COL11A1: variants seen among roughly 807,000 people sequenced by gnomAD.
The protein encoded by COL11A1 is collagen type XI alpha 1 chain.
Under a neutral mutation model 265.2 loss-of-function variants are expected in COL11A1, and 74 were observed. That is an observed-to-expected ratio of 0.28 (90% confidence interval 0.23 to 0.34). COL11A1 has a LOEUF of 0.34. COL11A1 is among the 10% of genes least tolerant of loss of function. COL11A1 has a pLI of 1.00. For missense variants in COL11A1, 2,165 were observed against 2,263.6 expected (o/e 0.96, Z 0.88); for synonymous variants, 816 against 727.6 (o/e 1.12, Z -1.96).
intron 57 of COL11A1, 143 bp from the exon 58 acceptor site, chr1:102,890,647 G>C (rs1017226636): frequency 9.2e-5 from 54 of 584,834 alleles, no homozygotes; most frequent in South Asian, 5.4e-4. Context: ...TATTTTTAAG[G>C]CTTCTAAGTA....
chr1:102,963,770 T>G (rs1352193693), intron 38 of COL11A1, among the ~76,000 whole-genome samples: 2 of 152,174 alleles, frequency 1.3e-5, no homozygotes, highest in African/African-American at 4.8e-5. Context: ...GTGTAAACAT[T>G]TATCCAAAAC....
chr1:102,881,584 G>T, intron 65 of COL11A1, 113 bp downstream of exon 65: 2 of 859,694 alleles, frequency 2.3e-6, no homozygotes, highest in Non-Finnish European at 3.8e-6. Context: ...AGACCACAGG[G>T]AATCCTCATT....
chr1:103,065,886 A>G (rs181154805), intron 4 of COL11A1, among the ~76,000 whole-genome samples: 5 of 142,894 alleles, frequency 3.5e-5, no homozygotes, highest in South Asian at 2.1e-4. Context: ...AAACACGGAG[A>G]AAAAAAAAAT....
chr1:103,014,074 CTG>C (rs1240122556), intron 13 of COL11A1, among the ~76,000 whole-genome samples: 3 of 151,786 alleles, frequency 2.0e-5, no homozygotes, highest in Non-Finnish European at 2.9e-5. Context: ...ATTTAATTTT[CTG>C]TGTTATCCAT....
chr1:103,050,126 C>T (rs1307940744), intron 4 of COL11A1, among the ~76,000 whole-genome samples: 1 of 152,086 alleles, frequency 6.6e-6, no homozygotes, highest in Non-Finnish European at 1.5e-5. Flanking sequence ...CTCTGTATTT[C>T]CTAAATTTGA....
Position 102,997,104 on chromosome 1 carries a change from G to T in COL11A1, c.2217C>A (p.Gly739=). 4 of 1,611,700 alleles carry T rather than the reference G, an allele frequency of 2.5e-6. No homozygotes were observed. Among genetic ancestry groups the T allele is most frequent in the Non-Finnish European group, 3.4e-6 (4 of 1,178,342 alleles). The change falls in exon 26 of 67, where the codon GGC becomes GGA. Residue 739 remains glycine (G), a synonymous_variant. Coordinates refer to ENST00000370096, the MANE Select transcript of COL11A1 (RefSeq NM_001854.4). ...CCAGAGCCCCCTTTTCTCCAGACTG[G>T]CCTTCTTTCCCAGGATGACCCTATA... ...DGPPGHPGKE[G]QSGEKGALGP... is the part of the protein sequence containing the mutation.
chr1:102,939,272 C>T (rs1658471041), intron 43 of COL11A1, among the ~76,000 whole-genome samples, 184 bp from the exon 44 acceptor site: 1 of 152,172 alleles, frequency 6.6e-6, no homozygotes, highest in Non-Finnish European at 1.5e-5. Context: ...AATATGTTAA[C>T]AGACAAGTCC....
intron 4 of COL11A1, among the ~76,000 whole-genome samples, chr1:103,046,355 G>A (rs1669268981): frequency 6.8e-6 from 1 of 146,236 alleles, no homozygotes; most frequent in Non-Finnish European, 1.5e-5. Context: ...CTGATGGCCA[G>A]TGATTATGAA....
In COL11A1 at chr1:102,979,312, C is replaced by T. The variant is rs1399130151; in HGVS notation, c.2610+70G>A. On this transcript the variant is annotated intron_variant, in intron 32 of 66. Transcript: ENST00000370096. ...TGAGCCTCACAAATATCTGGGAATA[C>T]AGGCACACACCACTATGTCCAGCTA... 4.5e-6 allele frequency: 6 copies of T among 1,329,136 alleles called. No individual in the cohort carries two copies. The African/African-American group carries it at 7.2e-5, about 16-fold the overall frequency. 82.3% of individuals were successfully genotyped at this position (1,329,136 alleles called of 1,614,324 possible). A position where few individuals can be genotyped will look rare whatever the true frequency, so the allele number is the denominator to read the frequency against.
At chr1:103,083,635 T>G (rs1209602422) in intron 1 of COL11A1, among the ~76,000 whole-genome samples, 1 of 152,170 alleles carries the variant, frequency 6.6e-6, no homozygotes, top group Non-Finnish European at 1.5e-5. Flanking sequence ...CTGAGTTAGT[T>G]ATTTACAAAT....
intron 35 of COL11A1, among the ~76,000 whole-genome samples, chr1:102,978,215 A>C (rs1662691842): frequency 6.6e-6 from 1 of 152,188 alleles, no homozygotes; most frequent in Non-Finnish European, 1.5e-5. Context: ...TACATCTTAC[A>C]TCAATTAAAA....
At chr1:102,975,478 A>C (rs1384232914) in intron 35 of COL11A1, among the ~76,000 whole-genome samples, 1 of 152,108 alleles carries the variant, frequency 6.6e-6, no homozygotes, top group Non-Finnish European at 1.5e-5. Context: ...AGATAAGGTA[A>C]AAATAACTTT....
intron 4 of COL11A1, 73 bp from the exon 5 acceptor site, chr1:103,031,317 G>A (rs1667982269): frequency 8.6e-6 from 13 of 1,511,096 alleles, no homozygotes; most frequent in Non-Finnish European, 1.2e-5. Context: ...ATATACCAAA[G>A]CGAGATGTGG....
chr1:102,929,804 T>C (rs1325334793), intron 46 of COL11A1, among the ~76,000 whole-genome samples: 2 of 152,284 alleles, frequency 1.3e-5, no homozygotes, highest in Middle Eastern at 3.4e-3. Context: ...AAGAGGACCT[T>C]CACATCCTTG....
intron 4 of COL11A1, among the ~76,000 whole-genome samples, chr1:103,058,733 C>T (rs1318692752): frequency 6.6e-6 from 1 of 152,144 alleles, no homozygotes; most frequent in African/African-American, 2.4e-5. Flanking sequence ...GCCAGTTGAG[C>T]AGTCAGAACA....
intron 30 of COL11A1, among the ~76,000 whole-genome samples, chr1:102,985,556 T>G (rs1663452397): frequency 6.6e-6 from 1 of 152,200 alleles, no homozygotes; most frequent in South Asian, 2.1e-4. Flanking sequence ...TCTTTGGTAA[T>G]TACCACATTA....
chr1:103,021,618 T>C (rs1667082637), intron 9 of COL11A1, 89 bp downstream of exon 9: 1 of 868,112 alleles, frequency 1.2e-6, no homozygotes, highest in Admixed American at 1.7e-5. Context: ...TTATCATTGG[T>C]AAAACACGAA....
intron 38 of COL11A1, 58 bp downstream of exon 38, chr1:102,965,429 A>G: frequency 7.1e-7 from 1 of 1,415,258 alleles, no homozygotes; most frequent in East Asian, 2.3e-5. Context: ...CAACTTAGGA[A>G]GGTTAAAATG....
rs1469555372 is a variant in COL11A1, at chr1:103,078,782, G to T, written c.364C>A (p.His122Asn). The change falls in exon 3 of 67, where the codon CAT (histidine) becomes AAT (asparagine). Residue 122 changes from histidine to asparagine, a missense_variant. Physicochemically the swap from His to Asn is moderately conservative, Grantham distance 68. Coordinates refer to ENST00000370096, the MANE Select transcript of COL11A1 (RefSeq NM_001854.4). ...QSFLLSIYNE[H>N]GIQQIGVEVG... ...TCAACACCAATTTGCTGAATACCAT[G>T]CTCATTATATATAGATAAAAGGAAA... 1 of 1,612,424 alleles carries T rather than the reference G, an allele frequency of 6.2e-7. No individual in the cohort carries two copies. The highest frequency in any genetic ancestry group is 1.1e-5 in the South Asian group (1 of 91,042).
Sources: gnomAD v4.1 joint callset for allele counts (sites outside exome capture counted in the v4.1 genomes callset) on GRCh38, gnomAD v4.1.1 for gene constraint, MANE v1.5 for transcripts, NCBI Gene and HGNC (gene_info 2026-07-23, HGNC 2026-07-21) for gene names.